Variants in TAX1BP1 observed in about 807,000 individuals in gnomAD.
TAX1BP1 encodes Tax1 binding protein 1.
In TAX1BP1, 62 loss-of-function variants were observed where a neutral mutation model predicts 97.7. That is an observed-to-expected ratio of 0.63 (90% CI 0.52 to 0.78). The LOEUF (loss-of-function observed/expected upper bound fraction) is 0.78. Among genes scored for constraint, TAX1BP1 ranks in the 30% least tolerant of loss-of-function variants. The pLI is 0.00. For missense variants in TAX1BP1, 867 were observed against 916.1 expected (o/e 0.95, Z 0.69); for synonymous variants, 340 against 304.2 (o/e 1.12, Z -1.23).
chr7:27,784,721 T>C (rs904475572), intron 5 of TAX1BP1, among the ~76,000 whole-genome samples: 2 of 152,062 alleles, frequency 1.3e-5, no homozygotes, highest in African/African-American at 4.8e-5. Flanking sequence ...AAACGAATCA[T>C]TGCTCATGCC....
chr7:27,767,846 A>G (rs1297518333), intron 4 of TAX1BP1, among the ~76,000 whole-genome samples: 2 of 152,092 alleles, frequency 1.3e-5, no homozygotes, highest in Non-Finnish European at 2.9e-5. Context: ...TTCTTAAGTA[A>G]ATATTTCTGA....
chr7:27,777,953 AC>A (rs1433546447), intron 5 of TAX1BP1, among the ~76,000 whole-genome samples: 5 of 152,138 alleles, frequency 3.3e-5, no homozygotes, highest in African/African-American at 1.2e-4. Context: ...TTATCTTGGC[AC>A]GATTTTAGTT....
Position 27,792,103 on chromosome 7 carries a change from A to G in TAX1BP1, c.1136A>G (p.Asp379Gly). Residue 379 changes from aspartate to glycine, a missense_variant, in exon 9 of 17, where the codon GAT (aspartate) becomes GGT (glycine). Around this residue, in one of 3 missense-constraint regions of TAX1BP1, gnomAD observed 822 missense variants for 851.4 expected, o/e 0.97. Coordinates refer to ENST00000396319, the MANE Select transcript of TAX1BP1 (RefSeq NM_006024.7). Reference sequence around the variant, plus strand: ...GTCTTTCTGGCTAAAGAACTCAGTGATGCTGTCAACGTACGAGACAGAACG... The same window carrying G: ...GTCTTTCTGGCTAAAGAACTCAGTGGTGCTGTCAACGTACGAGACAGAACG... ...EVVFLAKELS[D>G]AVNVRDRTMA... The G allele has an allele frequency of 6.2e-7, 1 of 1,614,106 alleles. No individual in the cohort carries two copies. The highest frequency in any genetic ancestry group is 8.5e-7 in the Non-Finnish European group (1 of 1,180,016).
chr7:27,745,769 A>G (rs1787793342), intron 1 of TAX1BP1, among the ~76,000 whole-genome samples: 1 of 152,110 alleles, frequency 6.6e-6, no homozygotes, highest in African/African-American at 2.4e-5. Context: ...TAATAGGGCT[A>G]TTTAAAACAA....
intron 3 of TAX1BP1, among the ~76,000 whole-genome samples, chr7:27,763,983 A>G (rs1195700517): frequency 6.6e-6 from 1 of 152,224 alleles, no homozygotes; most frequent in Non-Finnish European, 1.5e-5. Context: ...TGCCAGATAC[A>G]TGTCTATGAT....
chr7:27,785,170 C>A lies in TAX1BP1; in HGVS notation c.620C>A (p.Thr207Asn), dbSNP rs748256886. The A allele has an allele frequency of 1.2e-6, 2 of 1,607,080 alleles. No individual in the cohort carries two copies. The highest frequency in any genetic ancestry group is 1.7e-6 in the Non-Finnish European group (2 of 1,177,756). Residue 207 changes from threonine to asparagine, a missense_variant, in exon 6 of 17, where the codon ACT (threonine) becomes AAT (asparagine). Physicochemically the swap from Thr to Asn is moderately conservative, Grantham distance 65. Transcript: ENST00000396319. Reference sequence around the variant, plus strand: ...CTTGTTGTCACTTCTCAGGGTCTTACTGAAGTAACACAAAGCTTAAAAATG... The same window carrying A: ...CTTGTTGTCACTTCTCAGGGTCTTAATGAAGTAACACAAAGCTTAAAAATG... ...DQLQAEQKGL[T>N]EVTQSLKMEN...
In TAX1BP1 at chr7:27,793,115, T is replaced by C; in HGVS notation, c.1313T>C (p.Leu438Pro). 6.2e-7 allele frequency: 1 copy of C among 1,605,786 alleles called. No individual in the cohort carries two copies. The highest frequency in any genetic ancestry group is 1.7e-5 in the Admixed American group (1 of 57,264). The change falls in exon 10 of 17, where the codon CTG becomes CCG. Residue 438 changes from leucine to proline, a missense_variant. By Grantham distance (98) the Leu-to-Pro change is moderately conservative. Transcript: ENST00000396319. ...EHELRREVED[L>P]KLRLQMAADH... is the part of the protein sequence containing the mutation. Reference sequence around the variant, plus strand: ...GAACTAAGAAGAGAAGTTGAAGATCTGAAACTCCGTCTTCAGATGGCTGCA... The same window carrying C: ...GAACTAAGAAGAGAAGTTGAAGATCCGAAACTCCGTCTTCAGATGGCTGCA...
chr7:27,815,420 AAATTACAT>A, intron 13 of TAX1BP1, among the ~76,000 whole-genome samples: 1 of 152,320 alleles, frequency 6.6e-6, no homozygotes, highest in Non-Finnish European at 1.5e-5. Flanking sequence ...ATTAAAAGGT[AAATTACAT>A]TTATTGATTT....
At chr7:27,755,574 T>C (rs190364486) in intron 2 of TAX1BP1, among the ~76,000 whole-genome samples, 4 of 152,340 alleles carry the variant, frequency 2.6e-5, no homozygotes, top group Non-Finnish European at 5.9e-5. Flanking sequence ...TTATCCAACA[T>C]GTTTTTCTGA....
At chr7:27,778,920 C>G (rs1417289023) in intron 5 of TAX1BP1, among the ~76,000 whole-genome samples, 1 of 151,654 alleles carries the variant, frequency 6.6e-6, no homozygotes, top group African/African-American at 2.4e-5. Flanking sequence ...AGTCATGCCA[C>G]CATCACCAAA....
intron 13 of TAX1BP1, among the ~76,000 whole-genome samples, chr7:27,804,651 C>T (rs867609451): frequency 7.9e-5 from 12 of 152,162 alleles, no homozygotes; most frequent in South Asian, 4.1e-4. Flanking sequence ...ATAGCAAAAA[C>T]TATTATGTAC....
intron 1 of TAX1BP1, among the ~76,000 whole-genome samples, chr7:27,747,769 G>T (rs1239405550): frequency 6.6e-6 from 1 of 150,888 alleles, no homozygotes; most frequent in African/African-American, 2.4e-5. Context: ...GATTACTTGG[G>T]GCGATGTAGG....
intron 7 of TAX1BP1, 82 bp from the exon 8 acceptor site, chr7:27,787,336 A>G (rs986079665): frequency 1.6e-6 from 2 of 1,259,250 alleles, no homozygotes; most frequent in Non-Finnish European, 1.1e-6. Context: ...TCTTTGGGTT[A>G]GAAATATAAT....
intron 2 of TAX1BP1, among the ~76,000 whole-genome samples, chr7:27,752,578 G>C (rs1562698454): frequency 6.6e-6 from 1 of 152,190 alleles, no homozygotes; most frequent in Non-Finnish European, 1.5e-5. Context: ...TGATAGTGAA[G>C]TCCAGGTTGG....
At position 27,792,106 on chromosome 7, in the gene TAX1BP1, C is replaced by G. The variant is rs759823931; in HGVS notation, c.1139C>G (p.Ala380Gly). 2 of 1,614,076 alleles carry G rather than the reference C, an allele frequency of 1.2e-6. No individual in the cohort carries two copies. Among genetic ancestry groups the G allele is most frequent in the Non-Finnish European group, 1.7e-6 (2 of 1,180,026 alleles). ...TTTCTGGCTAAAGAACTCAGTGATG[C>G]TGTCAACGTACGAGACAGAACGATG... ...VVFLAKELSD[A>G]VNVRDRTMAD... The change falls in exon 9 of 17, where the codon GCT becomes GGT. Residue 380 changes from alanine to glycine, a missense_variant. By Grantham distance (60) the Ala-to-Gly change is moderately conservative (BLOSUM62 0). Coordinates refer to ENST00000396319, the MANE Select transcript of TAX1BP1 (RefSeq NM_006024.7).
intron 3 of TAX1BP1, among the ~76,000 whole-genome samples, chr7:27,758,741 G>A (rs1324483519): frequency 6.6e-6 from 1 of 152,144 alleles, no homozygotes; most frequent in African/African-American, 2.4e-5. Context: ...GCTATATGAG[G>A]TACTTAGAGT....
At position 27,765,902 on chromosome 7, in the gene TAX1BP1, C is replaced by T. The variant is rs1562707229; in HGVS notation, c.334C>T (p.Arg112Cys). The T allele has an allele frequency of 1.2e-6, 2 of 1,614,062 alleles. No homozygotes were observed. Among genetic ancestry groups the T allele is most frequent in the African/African-American group, 1.3e-5 (1 of 75,018 alleles). Residue 112 changes from arginine to cysteine, a missense_variant, in exon 4 of 17, where the codon CGT becomes TGT. This residue lies in a region of TAX1BP1 where 822 missense variants were observed against 851.4 expected (regional missense o/e 0.97). Coordinates refer to ENST00000396319, the MANE Select transcript of TAX1BP1 (RefSeq NM_006024.7). ...TTACGTTACCCATAAGGGTGAAATTCGTGGAGCAAGTACACCTTTCCAGTT... is the reference window on the plus strand; with the variant it reads ...TTACGTTACCCATAAGGGTGAAATTTGTGGAGCAAGTACACCTTTCCAGTT... ...FCYVTHKGEI[R>C]GASTPFQFRA... is the part of the protein sequence containing the mutation.
chr7:27,782,805 C>G (rs867159170), intron 5 of TAX1BP1, among the ~76,000 whole-genome samples: 8 of 152,254 alleles, frequency 5.3e-5, no homozygotes, highest in Non-Finnish European at 8.8e-5. Flanking sequence ...ATGTGTGAAT[C>G]TAGAATACCA....
At chr7:27,762,497 G>T (rs1031616702) in intron 3 of TAX1BP1, among the ~76,000 whole-genome samples, 22 of 151,724 alleles carry the variant, frequency 1.5e-4, no homozygotes, top group African/African-American at 4.8e-4. Context: ...GGAGTTAAGA[G>T]ACCAGTGTGG....
Sources: gnomAD v4.1 joint callset for allele counts (sites outside exome capture counted in the v4.1 genomes callset) on GRCh38, gnomAD v4.1.1 for gene constraint, gnomAD v4.1.1 regional missense constraint, MANE v1.5 for transcripts, NCBI Gene and HGNC (gene_info 2026-07-23, HGNC 2026-07-21) for gene names.